The following RHOT1 variants were observed in gnomAD, a reference collection of about 807,000 sequenced individuals.
RHOT1 encodes ras homolog family member T1, also known as mitochondrial Rho GTPase 1.
RHOT1 carries 27 observed loss-of-function variants against 95.3 expected under a neutral mutation model. The observed-to-expected ratio is 0.28, with a 90% CI of 0.21 to 0.39. RHOT1 has a LOEUF of 0.39. RHOT1 is among the 10% of genes least tolerant of loss of function. The pLI, the probability that RHOT1 is intolerant of heterozygous loss-of-function variation, is 1.00. For missense variants in RHOT1, 578 were observed against 786.7 expected, an observed-to-expected ratio of 0.73 and a Z score of 3.17; for synonymous variants, 227 against 263.5, an observed-to-expected ratio of 0.86 and a Z score of 1.34.
intron 19 of RHOT1, among the ~76,000 whole-genome samples, chr17:32,219,330 G>A (rs1000663070): frequency 6.6e-6 from 1 of 152,084 alleles, no homozygotes; most frequent in African/African-American, 2.4e-5. Context: ...CTTCCGCTAT[G>A]TTGCCCAGGC....
intron 6 of RHOT1, among the ~76,000 whole-genome samples, chr17:32,177,287 T>A (rs1002521427): frequency 7.2e-5 from 11 of 152,204 alleles, no homozygotes; most frequent in Non-Finnish European, 4.4e-5. Context: ...TTTCAAGTGC[T>A]CATAGCCACA....
chr17:32,174,929 A>G (rs911400857), intron 3 of RHOT1, among the ~76,000 whole-genome samples: 2 of 152,080 alleles, frequency 1.3e-5, no homozygotes, highest in Admixed American at 1.3e-4. Flanking sequence ...TCTAGATCTT[A>G]AGCTTGTATT....
At chr17:32,167,539 C>T (rs754933354) in intron 1 of RHOT1, among the ~76,000 whole-genome samples, 5 of 152,178 alleles carry the variant, frequency 3.3e-5, no homozygotes, top group East Asian at 3.9e-4. Context: ...GGATTACAGG[C>T]GTGAGCCACC....
chr17:32,161,102 TTAACA>T (rs2033504925), intron 1 of RHOT1, among the ~76,000 whole-genome samples: 2 of 152,220 alleles, frequency 1.3e-5, no homozygotes, highest in Non-Finnish European at 2.9e-5. Flanking sequence ...AATAACTTAA[TTAACA>T]CAAGGCTGGC....
At chr17:32,161,560 A>G (rs2033559185) in intron 1 of RHOT1, among the ~76,000 whole-genome samples, 1 of 152,208 alleles carries the variant, frequency 6.6e-6, no homozygotes, top group South Asian at 2.1e-4. Flanking sequence ...AAGGTGGTTT[A>G]GTTTTAGGAA....
Position 32,181,921 on chromosome 17 carries a change from G to A in RHOT1, c.330-836G>A, listed in dbSNP as rs2035665685. ...TCTGTAGCCATTCTGGCATTTTCCT[G>A]TTGTTTGGCCCCATCAGGATGTTTT... is the stretch of plus-strand genomic sequence containing the variant. On this transcript the variant is annotated intron_variant, in intron 6 of 19. Transcript: ENST00000545287. Among the ~76,000 whole-genome samples the A allele has an allele frequency of 2.6e-5, 4 of 152,196 alleles. No individual in the cohort carries two copies. In the South Asian group the frequency reaches 6.2e-4, roughly 24 times the overall value.
chr17:32,159,646 C>A (rs1235670150), intron 1 of RHOT1: 2 of 152,780 alleles, frequency 1.3e-5, no homozygotes, highest in Non-Finnish European at 2.9e-5. Flanking sequence ...CTGTTGCAGC[C>A]TGACCGGGTG....
intron 1 of RHOT1, among the ~76,000 whole-genome samples, chr17:32,158,724 C>G (rs964834946): frequency 2.6e-5 from 4 of 152,158 alleles, no homozygotes; most frequent in African/African-American, 9.7e-5. Flanking sequence ...TCCCAAAGTG[C>G]TGGGATTGCA....
chr17:32,207,943 A>G (rs1258742345), intron 17 of RHOT1, among the ~76,000 whole-genome samples, 164 bp from the exon 18 acceptor site: 1 of 152,164 alleles, frequency 6.6e-6, no homozygotes, highest in African/African-American at 2.4e-5. Flanking sequence ...TATTTATTAT[A>G]TGAGATTTAC....
At chr17:32,208,515 G>A in intron 18 of RHOT1, 7 of 555,164 alleles carry the variant, frequency 1.3e-5, no homozygotes, top group South Asian at 1.3e-4. Flanking sequence ...GACAATATCT[G>A]TATATTTTTG....
At chr17:32,165,428 C>T (rs560926021) in intron 1 of RHOT1, among the ~76,000 whole-genome samples, 3 of 149,406 alleles carry the variant, frequency 2.0e-5, no homozygotes, top group Non-Finnish European at 4.4e-5. Flanking sequence ...GAGACTGAGG[C>T]ACAAGAATGG....
At chr17:32,203,269 C>CTTCTTTTTTTTTT (rs1485362280) in intron 15 of RHOT1, among the ~76,000 whole-genome samples, 3 of 72,328 alleles carry the variant, frequency 4.1e-5, no homozygotes, top group African/African-American at 1.8e-4. Context: ...TCTTCTTCTT[C>CTTCTTTTTTTTTT]TTTTTTTTTT....
chr17:32,208,836 C>T (rs9889830), intron 18 of RHOT1: 5,581 of 155,584 alleles, frequency 0.036, 341 homozygotes, highest in African/African-American at 0.13. Context: ...TTAAGTGTTA[C>T]GAGCCACAAA....
At chr17:32,157,837 A>C (rs1443244387) in intron 1 of RHOT1, among the ~76,000 whole-genome samples, 1 of 152,072 alleles carries the variant, frequency 6.6e-6, no homozygotes, top group Non-Finnish European at 1.5e-5. Context: ...AAAAAAAAAA[A>C]AGAATACGTG....
intron 8 of RHOT1, among the ~76,000 whole-genome samples, chr17:32,185,913 G>GATC (rs988576849): frequency 6.6e-6 from 1 of 151,834 alleles, no homozygotes; most frequent in Non-Finnish European, 1.5e-5. Context: ...GTAAAGTCAG[G>GATC]ATCTCACTAT....
At chr17:32,188,285 C>A (rs2036207524) in intron 8 of RHOT1, among the ~76,000 whole-genome samples, 1 of 152,190 alleles carries the variant, frequency 6.6e-6, no homozygotes, top group Non-Finnish European at 1.5e-5. Flanking sequence ...TCTTTTTAGA[C>A]CTTGATGCAA....
intron 17 of RHOT1, 21 bp downstream of exon 17, chr17:32,207,050 A>G: frequency 1.3e-5 from 20 of 1,586,424 alleles, no homozygotes; most frequent in Non-Finnish European, 1.7e-5. Flanking sequence ...CCTACAGACT[A>G]TGACTGAATG....
At chr17:32,184,846 A>G (rs2035911034) in intron 8 of RHOT1, among the ~76,000 whole-genome samples, 1 of 152,070 alleles carries the variant, frequency 6.6e-6, no homozygotes, top group Non-Finnish European at 1.5e-5. Context: ...GTTGATGCAT[A>G]TTGAGTAGTT....
intron 14 of RHOT1, among the ~76,000 whole-genome samples, chr17:32,201,302 G>A (rs907295342): frequency 7.9e-5 from 12 of 152,212 alleles, no homozygotes; most frequent in Admixed American, 2.0e-4. Flanking sequence ...TGAAAATGAG[G>A]AAGAGCTGTG....
Sources: gnomAD v4.1 joint callset for allele counts (sites outside exome capture counted in the v4.1 genomes callset) on GRCh38, gnomAD v4.1.1 for gene constraint, MANE v1.5 for transcripts, NCBI Gene and HGNC (gene_info 2026-07-23, HGNC 2026-07-21) for gene names.